The following SLC25A25 variants were observed in gnomAD, a reference collection of about 807,000 sequenced individuals.
The protein encoded by SLC25A25 is mitochondrial adenyl nucleotide antiporter SLC25A25.
A neutral mutation model predicts 57.7 loss-of-function variants in SLC25A25; 32 were observed. The observed-to-expected ratio is 0.55, with a 90% CI of 0.42 to 0.74. SLC25A25 has a LOEUF of 0.74. Ranked by LOEUF, SLC25A25 falls within the 30% of genes least tolerant of loss-of-function variation. SLC25A25 has a pLI of 0.00. For missense variants in SLC25A25, 556 were observed against 701.3 expected, an observed-to-expected ratio of 0.79 and a Z score of 2.34; for synonymous variants, 306 against 291.2, an observed-to-expected ratio of 1.05 and a Z score of -0.52.
chr9:128,085,846 T>C (rs950869871), intron 1 of SLC25A25, among the ~76,000 whole-genome samples: 4 of 152,168 alleles, frequency 2.6e-5, no homozygotes, highest in African/African-American at 9.7e-5. Context: ...TATTATTTAA[T>C]TTCCAAATAT....
chr9:128,084,966 C>T (rs1389480222), intron 1 of SLC25A25, among the ~76,000 whole-genome samples: 1 of 152,138 alleles, frequency 6.6e-6, no homozygotes. Context: ...AAGAAAGCTA[C>T]ATGTGAAAGG....
intron 1 of SLC25A25, chr9:128,091,224 G>C (rs1833395504): frequency 6.3e-6 from 1 of 159,132 alleles, no homozygotes; most frequent in African/African-American, 2.4e-5. Context: ...GGAGGGCAGG[G>C]AGTTACTTTT....
At chr9:128,074,424 T>C (rs919873313) in intron 1 of SLC25A25, among the ~76,000 whole-genome samples, 2 of 151,792 alleles carry the variant, frequency 1.3e-5, no homozygotes, top group African/African-American at 2.4e-5. Context: ...CAAATAAGAA[T>C]AGGGCTGGGT....
At chr9:128,098,923 G>A (rs1325281497) in intron 1 of SLC25A25, 1 of 985,322 alleles carries the variant, frequency 1.0e-6, no homozygotes, top group Non-Finnish European at 1.2e-6. Context: ...TTCCCAGGAA[G>A]GCTGGAATTC....
At position 128,088,780 on chromosome 9, in the gene SLC25A25, G is replaced by A. The variant is rs190383079; in HGVS notation, c.262-12316G>A. On this transcript the variant is annotated intron_variant, in intron 1 of 10. Coordinates refer to ENST00000373069, the MANE Select transcript of SLC25A25 (RefSeq NM_001330988.2). ...GAACTCATAACTCAGTTCTGTGGTA[G>A]GAGGAAGTGCATTAAATCAAAAAGC... Among the ~76,000 whole-genome samples, 361 of 152,262 alleles carry A rather than the reference G, an allele frequency of 2.4e-3. 3 individuals are homozygous for A. Among genetic ancestry groups the A allele is most frequent in the African/African-American group, 8.3e-3 (344 of 41,554 alleles).
chr9:128,085,158 C>T (rs1411546090), intron 1 of SLC25A25, among the ~76,000 whole-genome samples: 1 of 151,752 alleles, frequency 6.6e-6, no homozygotes, highest in African/African-American at 2.4e-5. Flanking sequence ...GGTGAAACCC[C>T]CGTCTCTACT....
At position 128,102,229 on chromosome 9, in the gene SLC25A25, CTGCTCT is replaced by C; in HGVS notation, c.512+116_512+121del. 1 of 1,436,758 alleles carries C rather than the reference CTGCTCT, an allele frequency of 7.0e-7. No homozygotes were observed. The highest frequency in any genetic ancestry group is 1.2e-5 in the South Asian group (1 of 82,014). 89.0% of individuals were successfully genotyped at this position (1,436,758 alleles called of 1,614,324 possible). A position where few individuals can be genotyped will look rare whatever the true frequency, so the allele number is the denominator to read the frequency against. The stretch of plus-strand genomic sequence containing the variant: ...TGTGCTAAGTGGGGTGTGGAGCCCC[CTGCTCT>C]TTCTCCTGGGGGCAGAGGCACCTCG... On this transcript the variant is annotated intron_variant, in intron 4 of 10. Coordinates refer to ENST00000373069, the MANE Select transcript of SLC25A25 (RefSeq NM_001330988.2). The surrounding 1 kb of genome is among the most constrained non-coding windows in gnomAD (Gnocchi z 4.1).
chr9:128,090,923 T>A (rs10819353), intron 1 of SLC25A25: 113,049 of 152,136 alleles, frequency 0.74, 43,822 homozygotes, highest in Non-Finnish European at 0.85. Flanking sequence ...CAAATGACCA[T>A]AGATTAATTC....
In SLC25A25 at chr9:128,102,005, C is replaced by T. The variant is rs1163758383; in HGVS notation, c.477-75C>T. Reference sequence around the variant, plus strand: ...GCCCCTGTCTCTGGGTGTGTGCTTGCTTCACTAACATGGCTCCGAGCACTT... The same window carrying T: ...GCCCCTGTCTCTGGGTGTGTGCTTGTTTCACTAACATGGCTCCGAGCACTT... On this transcript the variant is annotated intron_variant, in intron 3 of 10. Coordinates refer to ENST00000373069, the MANE Select transcript of SLC25A25 (RefSeq NM_001330988.2). This position sits in a 1 kb window ranked among gnomAD's most constrained non-coding sequence, Gnocchi z 4.1. The T allele has an allele frequency of 6.6e-7, 1 of 1,521,942 alleles. No homozygotes were observed. Among genetic ancestry groups the T allele is most frequent in the East Asian group, 2.5e-5 (1 of 40,772 alleles). 94.3% of individuals were successfully genotyped at this position (1,521,942 alleles called of 1,614,324 possible). A position where few individuals can be genotyped will look rare whatever the true frequency, so the allele number is the denominator to read the frequency against.
Position 128,068,529 on chromosome 9 carries a change from G to A in SLC25A25, c.210G>A (p.Leu70=). The A allele has an allele frequency of 6.7e-7, 1 of 1,489,964 alleles. No individual in the cohort carries two copies. The highest frequency in any genetic ancestry group is 8.9e-7 in the Non-Finnish European group (1 of 1,126,538). 92.3% of individuals were successfully genotyped at this position (1,489,964 alleles called of 1,614,324 possible). Residue 70 remains leucine (L), a synonymous_variant, in exon 1 of 11, where the codon CTG becomes CTA. Coordinates refer to ENST00000373069, the MANE Select transcript of SLC25A25 (RefSeq NM_001330988.2). The stretch of plus-strand genomic sequence containing the variant: ...ACGGCGGCCTGTGTGTCAACGACCT[G>A]GCGGTGGGGCTGCGGCGCCTGGGAC... ...NRDGGLCVND[L]AVGLRRLGLH...
At chr9:128,071,776 G>A (rs1211532748) in intron 1 of SLC25A25, among the ~76,000 whole-genome samples, 1 of 151,204 alleles carries the variant, frequency 6.6e-6, no homozygotes, top group East Asian at 1.9e-4. Context: ...GAGTGCGATG[G>A]TGTGATTTCA....
intron 1 of SLC25A25, among the ~76,000 whole-genome samples, chr9:128,096,729 C>T (rs1183988048): frequency 6.6e-6 from 1 of 152,152 alleles, no homozygotes; most frequent in Non-Finnish European, 1.5e-5. Flanking sequence ...CAAGGAGGTC[C>T]AAGGGTTTGA....
At chr9:128,096,768 T>C (rs1285789728) in intron 1 of SLC25A25, among the ~76,000 whole-genome samples, 1 of 152,186 alleles carries the variant, frequency 6.6e-6, no homozygotes, top group Non-Finnish European at 1.5e-5. Flanking sequence ...TCAAGGACCC[T>C]GGTGGTAGAG....
In SLC25A25 at chr9:128,099,042, G is replaced by A. The variant is rs1014673836; in HGVS notation, c.262-2054G>A. On this transcript the variant is annotated intron_variant, in intron 1 of 10. Transcript: ENST00000373069. The surrounding 1 kb of genome is among the most constrained non-coding windows in gnomAD (Gnocchi z 6.8). ...AGCCAGAAAGGGACCTGGGGGGCAG[G>A]CCAGTAGTGCATGGGAGGAGAAGGC... is the stretch of plus-strand genomic sequence containing the variant. 3 of 985,318 alleles carry A rather than the reference G, an allele frequency of 3.0e-6. No individual in the cohort carries two copies. The highest frequency in any genetic ancestry group is 3.6e-6 in the Non-Finnish European group (3 of 829,936). The allele number at this position is 985,318 out of a possible 1,614,324, so 61.0% of individuals were successfully genotyped here.
chr9:128,090,031 G>A (rs1270929529), intron 1 of SLC25A25, among the ~76,000 whole-genome samples: 2 of 151,960 alleles, frequency 1.3e-5, no homozygotes, highest in African/African-American at 2.4e-5. Flanking sequence ...GAGGATGTTC[G>A]GTGAAAACAC....
At chr9:128,098,054 G>A (rs551248025) in intron 1 of SLC25A25, among the ~76,000 whole-genome samples, 21 of 152,208 alleles carry the variant, frequency 1.4e-4, no homozygotes, top group African/African-American at 5.1e-4. Flanking sequence ...AACTGGGCCC[G>A]TTTGCAGTGG....
At chr9:128,092,167 G>A in intron 1 of SLC25A25, 2 of 1,528,002 alleles carry the variant, frequency 1.3e-6, no homozygotes, top group Non-Finnish European at 1.8e-6. Flanking sequence ...ACGAGTGTGG[G>A]GAGGAAGGGA....
Position 128,098,614 on chromosome 9 carries a change from C to G in SLC25A25, c.262-2482C>G, listed in dbSNP as rs1013711407. ...TGCCGGTCATCGGGGAAGCCCAGAC[C>G]GAGTTCCAGTACTTTGAGTCGAAGG... On this transcript the variant is annotated intron_variant, in intron 1 of 10. Transcript: ENST00000373069. The G allele has an allele frequency of 5.6e-6, 9 of 1,613,972 alleles. No individual in the cohort carries two copies. In the African/African-American group the frequency reaches 1.2e-4, roughly 22 times the overall value.
rs528213954 is a variant in SLC25A25, at chr9:128,108,546, C to CCTAA, written c.*1106_*1109dup. Reference sequence around the variant, plus strand: ...TGTATTTATTTGAACAGAGTTATGTCCTAACTATTTTTATAGATTTGTTTA... The same window carrying CCTAA: ...TGTATTTATTTGAACAGAGTTATGTCCTAACTAACTATTTTTATAGATTTGTTTA... On this transcript the variant is annotated 3_prime_UTR_variant, in exon 11 of 11. Coordinates refer to ENST00000373069, the MANE Select transcript of SLC25A25 (RefSeq NM_001330988.2). 686 of 297,676 alleles carry CCTAA rather than the reference C, an allele frequency of 2.3e-3. 3 individuals are homozygous for CCTAA. Among genetic ancestry groups the CCTAA allele is most frequent in the Middle Eastern group, 3.6e-3 (4 of 1,106 alleles). The allele number at this position is 297,676 out of a possible 1,614,324, so 18.4% of individuals were successfully genotyped here.
Sources: gnomAD v4.1 joint callset for allele counts (sites outside exome capture counted in the v4.1 genomes callset) on GRCh38, gnomAD v4.1.1 for gene constraint, Gnocchi (gnomAD v3.1) non-coding constraint, MANE v1.5 for transcripts, NCBI Gene and HGNC (gene_info 2026-07-23, HGNC 2026-07-21) for gene names.